PRSS3: variants seen among roughly 807,000 people sequenced by gnomAD.
PRSS3 encodes serine protease 3.
A neutral mutation model predicts 20.8 loss-of-function variants in PRSS3; 14 were observed. That is an observed-to-expected ratio of 0.67 (90% CI 0.44 to 1.05). The LOEUF (loss-of-function observed/expected upper bound fraction) is 1.05. PRSS3 is among the 50% of genes least tolerant of loss of function. The pLI is 0.00. For missense variants in PRSS3, 237 were observed against 306.4 expected, an observed-to-expected ratio of 0.77 and a Z score of 1.69; for synonymous variants, 91 against 117.6, an observed-to-expected ratio of 0.77 and a Z score of 1.46.
chr9:33,751,915 C>G (rs1042647918), intron 1 of PRSS3, among the ~76,000 whole-genome samples: 26 of 152,128 alleles, frequency 1.7e-4, no homozygotes, highest in Non-Finnish European at 7.3e-5. Context: ...TTGGCTCGCT[C>G]TGTTCCTGGG....
intron 1 of PRSS3, among the ~76,000 whole-genome samples, chr9:33,777,038 T>C (rs1823965566): frequency 6.6e-6 from 1 of 152,050 alleles, no homozygotes; most frequent in South Asian, 2.1e-4. Context: ...AGACAAAATC[T>C]TCAAACAGCC....
In PRSS3 at chr9:33,765,209, T is replaced by C. The variant is rs1157275676; in HGVS notation, c.-53+14482T>C. Reference sequence around the variant, plus strand: ...CCCCAGTGGATGCTAAAACCGTGGATAGTTAGTGCCAAACCTTATATACAC... The same window carrying C: ...CCCCAGTGGATGCTAAAACCGTGGACAGTTAGTGCCAAACCTTATATACAC... On this transcript the variant is annotated intron_variant, in intron 1 of 5. Transcript: ENST00000342836. Among the ~76,000 whole-genome samples, 5 of 152,322 alleles carry C rather than the reference T, an allele frequency of 3.3e-5. No individual in the cohort carries two copies. In the South Asian group the frequency reaches 8.3e-4, roughly 25 times the overall value.
rs1384928733 is a variant in PRSS3 at position 33,799,095 on chromosome 9, G to A, written c.659G>A (p.Cys220Tyr). ...LQGVVSWGHG[C>Y]AWKNRPGVYT... ...GGAGTTGTCTCCTGGGGCCATGGCT[G>A]TGCCTGGAAGAACAGGCCTGGAGTC... Residue 220 changes from cysteine to tyrosine, a missense_variant, in exon 5 of 5, where the codon TGT becomes TAT. Coordinates refer to ENST00000379405, the MANE Select transcript of PRSS3 (RefSeq NM_002771.4). 3 of 1,610,112 alleles carry A rather than the reference G, an allele frequency of 1.9e-6. No individual in the cohort carries two copies. The highest frequency in any genetic ancestry group is 2.5e-6 in the Non-Finnish European group (3 of 1,178,472).
At chr9:33,767,708 C>A (rs538893023) in intron 1 of PRSS3, among the ~76,000 whole-genome samples, 1 of 152,224 alleles carries the variant, frequency 6.6e-6, no homozygotes, top group African/African-American at 2.4e-5. Flanking sequence ...ACCTGTAATC[C>A]CAGCTACTCA....
chr9:33,776,174 A>G (rs1487361159), intron 1 of PRSS3, among the ~76,000 whole-genome samples: 4 of 152,256 alleles, frequency 2.6e-5, no homozygotes, highest in Admixed American at 6.5e-5. Context: ...TGGGCTCAAT[A>G]GCAGATTTTC....
At chr9:33,782,847 C>T (rs1241849663) in intron 1 of PRSS3, among the ~76,000 whole-genome samples, 1 of 152,088 alleles carries the variant, frequency 6.6e-6, no homozygotes, top group African/African-American at 2.4e-5. Flanking sequence ...ACCCCATGAG[C>T]CAGCAATTAT....
At chr9:33,780,773 A>T (rs772843624) in intron 1 of PRSS3, among the ~76,000 whole-genome samples, 2 of 152,240 alleles carry the variant, frequency 1.3e-5, no homozygotes, top group Non-Finnish European at 2.9e-5. Context: ...GATAAAACAG[A>T]TGTTAAACAA....
At chr9:33,788,256 T>G (rs1421405063) in intron 1 of PRSS3, among the ~76,000 whole-genome samples, 2 of 152,200 alleles carry the variant, frequency 1.3e-5, no homozygotes, top group African/African-American at 4.8e-5. Flanking sequence ...AGAATTGCCC[T>G]GCAGACAGGT....
intron 1 of PRSS3, among the ~76,000 whole-genome samples, chr9:33,766,051 G>A (rs1823395631): frequency 6.6e-6 from 1 of 151,056 alleles, no homozygotes; most frequent in Non-Finnish European, 1.5e-5. Flanking sequence ...CAGATCACGA[G>A]GTCACCAGTT....
intron 2 of PRSS3, among the ~76,000 whole-genome samples, chr9:33,797,203 G>T (rs1264092590): frequency 6.6e-6 from 1 of 152,098 alleles, no homozygotes; most frequent in Non-Finnish European, 1.5e-5. Flanking sequence ...ACTGTAGAGT[G>T]TATAGACAGA....
chr9:33,798,872 C>T (rs542455146), intron 4 of PRSS3, 156 bp from the exon 5 acceptor site: 31 of 1,092,916 alleles, frequency 2.8e-5, no homozygotes, highest in Admixed American at 4.3e-5. Context: ...TTGTGCTGCA[C>T]GCTGCCTGCT....
chr9:33,769,282 A>G (rs1823579884), intron 1 of PRSS3, among the ~76,000 whole-genome samples: 1 of 152,230 alleles, frequency 6.6e-6, no homozygotes, highest in South Asian at 2.1e-4. Flanking sequence ...ATGAGAAAGC[A>G]CATTCTGGAG....
At chr9:33,777,525 A>C (rs1189476181) in intron 1 of PRSS3, among the ~76,000 whole-genome samples, 1 of 96,416 alleles carries the variant, frequency 1.0e-5, no homozygotes, top group Non-Finnish European at 2.2e-5. Context: ...TCTCTACTAA[A>C]AATACCAAAA....
At position 33,750,750 on chromosome 9, in the gene PRSS3, G is replaced by T. The variant is rs10971678; in HGVS notation, c.-53+23G>T. 0.36 allele frequency: 515,148 copies of T among 1,415,278 alleles called. 96,576 individuals carry two copies. Among genetic ancestry groups the T allele is most frequent in the East Asian group, 0.53 (18,549 of 35,036 alleles). 87.7% of individuals were successfully genotyped at this position (1,415,278 alleles called of 1,614,324 possible). ...CAGGTCAGACGTCAGTACCCGCAGG[G>T]GGCTTGAAACTGGAGGAGGGCTCGA... On this transcript the variant is annotated intron_variant, in intron 1 of 5. Transcript: ENST00000342836. This position sits in a 1 kb window ranked among gnomAD's most constrained non-coding sequence, Gnocchi z 4.8.
At chr9:33,760,129 T>A (rs1449215450) in intron 1 of PRSS3, among the ~76,000 whole-genome samples, 1 of 152,158 alleles carries the variant, frequency 6.6e-6, no homozygotes, top group Non-Finnish European at 1.5e-5. Flanking sequence ...CTAAATGTAT[T>A]CTTTCACATG....
intron 4 of PRSS3, 134 bp downstream of exon 4, chr9:33,798,756 C>T (rs1416742249): frequency 2.8e-5 from 40 of 1,444,282 alleles, no homozygotes; most frequent in Non-Finnish European, 3.2e-5. Flanking sequence ...AGGAAGGTGG[C>T]GGGGCTGAGG....
chr9:33,767,546 G>A (rs571484913), intron 1 of PRSS3, among the ~76,000 whole-genome samples: 14 of 143,802 alleles, frequency 9.7e-5, no homozygotes, highest in African/African-American at 3.4e-4. Context: ...CTTTAGGGCC[G>A]GGCGCGGTGA....
intron 1 of PRSS3, chr9:33,786,920 G>T (rs1824435023): frequency 3.3e-6 from 2 of 604,620 alleles, no homozygotes; most frequent in African/African-American, 1.9e-5. Context: ...CCCTGTCAAG[G>T]TGGGACAGAA....
At chr9:33,784,224 T>C (rs1824293443) in intron 1 of PRSS3, among the ~76,000 whole-genome samples, 1 of 152,158 alleles carries the variant, frequency 6.6e-6, no homozygotes, top group African/African-American at 2.4e-5. Context: ...AAGAGAATAC[T>C]GATGAAGAGG....
Sources: allele counts gnomAD v4.1 joint callset (sites outside exome capture counted in the v4.1 genomes callset), GRCh38; gene constraint gnomAD v4.1.1; non-coding constraint Gnocchi (gnomAD v3.1); transcripts MANE v1.5; gene names NCBI Gene and HGNC (gene_info 2026-07-23, HGNC 2026-07-21).